COL4A2: variants seen among roughly 807,000 people sequenced by gnomAD.
COL4A2 encodes the protein collagen type IV alpha 2 chain.
Under a neutral mutation model 200.2 loss-of-function variants are expected in COL4A2, and 99 were observed. The observed-to-expected ratio is 0.49, with a 90% CI of 0.42 to 0.58. COL4A2 has a LOEUF of 0.58. Among genes scored for constraint, COL4A2 ranks in the 20% least tolerant of loss-of-function variants. The pLI is 0.00. For synonymous variants in COL4A2, 897 were observed against 900.6 expected (o/e 1.00, Z 0.07); for missense variants, 1,950 against 2,314.1 (o/e 0.84, Z 3.23).
At chr13:110,413,435 G>A (rs529179315) in intron 4 of COL4A2, among the ~76,000 whole-genome samples, 22 of 152,284 alleles carry the variant, frequency 1.4e-4, no homozygotes, top group Middle Eastern at 3.4e-3. Context: ...AAGAAGCCCC[G>A]GCCGCCTCCT....
chr13:110,388,478 A>G (rs1428121610), intron 4 of COL4A2, among the ~76,000 whole-genome samples: 3 of 152,234 alleles, frequency 2.0e-5, no homozygotes, highest in South Asian at 2.1e-4. Flanking sequence ...GTACTCTGTC[A>G]TGCTCCAAAC....
intron 4 of COL4A2, among the ~76,000 whole-genome samples, chr13:110,410,295 T>C (rs1879780777): frequency 6.6e-6 from 1 of 152,362 alleles, no homozygotes; most frequent in East Asian, 1.9e-4. Context: ...GGTTGTTCTC[T>C]AGGCGTTGTT....
intron 4 of COL4A2, among the ~76,000 whole-genome samples, chr13:110,401,893 A>G (rs1879384686): frequency 6.6e-6 from 1 of 152,204 alleles, no homozygotes; most frequent in African/African-American, 2.4e-5. Flanking sequence ...CGCAGCAGAA[A>G]GGACAGATGC....
At chr13:110,336,632 C>T (rs914278356) in intron 3 of COL4A2, among the ~76,000 whole-genome samples, 1 of 152,068 alleles carries the variant, frequency 6.6e-6, no homozygotes, top group African/African-American at 2.4e-5. Flanking sequence ...TTTTTATCTG[C>T]ATCAGGGGTT....
intron 3 of COL4A2, among the ~76,000 whole-genome samples, chr13:110,318,850 A>G (rs922429304): frequency 2.0e-5 from 3 of 152,052 alleles, no homozygotes; most frequent in African/African-American, 7.2e-5. Context: ...AGCCACAGAG[A>G]GTGAAGTTCA....
intron 11 of COL4A2, 107 bp from the exon 12 acceptor site, chr13:110,434,294 A>T: frequency 4.2e-6 from 4 of 952,230 alleles, no homozygotes; most frequent in Non-Finnish European, 6.5e-6. Context: ...GTTGCTCAGT[A>T]AAGTTGCCGA....
Position 110,484,886 on chromosome 13 carries a change from G to A in COL4A2, c.2903-19G>A, listed in dbSNP as rs377613359. 4.3e-5 allele frequency: 69 copies of A among 1,586,572 alleles called. No homozygotes were observed. The highest frequency in any genetic ancestry group is 5.9e-5 in the Non-Finnish European group (69 of 1,163,976). ...GGTCTGGAGCCCCCAGAAAATGACA[G>A]CACTCTATTCCCTTCCAGGCAGCCG... On this transcript the variant is annotated intron_variant, in intron 32 of 47. Coordinates refer to ENST00000360467, the MANE Select transcript of COL4A2 (RefSeq NM_001846.4).
At position 110,480,205 on chromosome 13, in the gene COL4A2, T is replaced by C; in HGVS notation, c.2588-15T>C. 1 of 1,578,946 alleles carries C rather than the reference T, an allele frequency of 6.3e-7. No individual in the cohort carries two copies. Among genetic ancestry groups the C allele is most frequent in the Non-Finnish European group, 8.6e-7 (1 of 1,166,080 alleles). On this transcript the variant is annotated splice_polypyrimidine_tract_variant and intron_variant, in intron 30 of 47. Coordinates refer to ENST00000360467, the MANE Select transcript of COL4A2 (RefSeq NM_001846.4). ...TGTTTGTCCACCCTGTTTGATTTGCTCCTCTTCCTGACAGGTCTGCCTGGT... is the reference window on the plus strand; with the variant it reads ...TGTTTGTCCACCCTGTTTGATTTGCCCCTCTTCCTGACAGGTCTGCCTGGT...
intron 16 of COL4A2, among the ~76,000 whole-genome samples, chr13:110,442,087 CAAA>C (rs10530153): frequency 1.7e-4 from 8 of 47,638 alleles, no homozygotes; most frequent in South Asian, 1.3e-3. Context: ...CTCTCTGTCT[CAAA>C]AAAAAAAAAA....
intron 3 of COL4A2, among the ~76,000 whole-genome samples, chr13:110,316,474 G>A (rs530137046): frequency 1.3e-5 from 2 of 152,144 alleles, no homozygotes; most frequent in Non-Finnish European, 2.9e-5. Context: ...CCTCCTTCCC[G>A]CTCTGTCCTC....
intron 3 of COL4A2, among the ~76,000 whole-genome samples, chr13:110,348,657 T>C (rs1594161745): frequency 4.1e-4 from 1 of 2,466 alleles, no homozygotes; most frequent in Admixed American, 0.025. Context: ...ATTGTATAGA[T>C]TTTTTTTTTT....
intron 4 of COL4A2, among the ~76,000 whole-genome samples, chr13:110,359,440 T>C (rs6492263): frequency 0.99 from 151,352 of 152,316 alleles, 75,206 homozygotes; most frequent in East Asian, 1. Flanking sequence ...TGGACTCATG[T>C]ATCTACCCTA....
In COL4A2 at chr13:110,504,188, A is replaced by G; in HGVS notation, c.4326A>G (p.Arg1442=). The change falls in exon 45 of 48, where the codon AGA becomes AGG. Residue 1442 remains arginine (R), a synonymous_variant. Transcript: ENST00000360467. ...GAPGKAGPQG[R]GGVSAVPGFR... is the part of the protein sequence containing the mutation. ...CAGGGAAAGCTGGGCCCCAAGGAAGAGGTGGTGTGTCTGCTGTTCCCGGCT... is the reference window on the plus strand; with the variant it reads ...CAGGGAAAGCTGGGCCCCAAGGAAGGGGTGGTGTGTCTGCTGTTCCCGGCT... The G allele has an allele frequency of 6.2e-7, 1 of 1,614,122 alleles. No individual in the cohort carries two copies. The highest frequency in any genetic ancestry group is 8.5e-7 in the Non-Finnish European group (1 of 1,180,018).
Position 110,321,181 on chromosome 13 carries a change from TG to T in COL4A2, c.99+13059del, listed in dbSNP as rs1196978726. 2.1e-3 allele frequency among the ~76,000 whole-genome samples: 39 copies of T among 18,966 alleles called. 1 individual carries two copies. Among genetic ancestry groups the T allele is most frequent in the East Asian group, 0.018 (38 of 2,084 alleles). 12.4% of individuals were successfully genotyped at this position (18,966 alleles called of 152,430 possible). On this transcript the variant is annotated intron_variant, in intron 3 of 47. Transcript: ENST00000360467. ...TGTGCGTATTTATATAGTGTGCATG[TG>T]TGTGTGTGTGTGTATGTGTCTGTGT...
At chr13:110,492,018 C>A in intron 37 of COL4A2, 52 bp from the exon 38 acceptor site, 1 of 1,491,834 alleles carries the variant, frequency 6.7e-7, no homozygotes, top group Non-Finnish European at 9.0e-7. Flanking sequence ...CCTCACCACA[C>A]AGCGCCCAAG....
At chr13:110,491,483 C>G in intron 37 of COL4A2, 143 bp downstream of exon 37, 1 of 664,194 alleles carries the variant, frequency 1.5e-6, no homozygotes, top group Non-Finnish European at 2.7e-6. Flanking sequence ...TAGGAGCTTT[C>G]CTCAGTGCTG....
At chr13:110,348,318 A>G (rs966517487) in intron 3 of COL4A2, among the ~76,000 whole-genome samples, 1 of 152,188 alleles carries the variant, frequency 6.6e-6, no homozygotes, top group Admixed American at 6.5e-5. Context: ...TTTATTTAGG[A>G]TGCCCTTGAA....
At chr13:110,392,866 A>C (rs1879038890) in intron 4 of COL4A2, among the ~76,000 whole-genome samples, 1 of 152,272 alleles carries the variant, frequency 6.6e-6, no homozygotes, top group Admixed American at 6.5e-5. Context: ...AGTAAAGTTA[A>C]GAAATAATTG....
intron 24 of COL4A2, among the ~76,000 whole-genome samples, chr13:110,463,718 T>C (rs1882124392): frequency 6.6e-6 from 1 of 152,164 alleles, no homozygotes; most frequent in Admixed American, 6.5e-5. Context: ...AAATTTTCTG[T>C]AGAGATGAGA....
Sources: allele counts gnomAD v4.1 joint callset (sites outside exome capture counted in the v4.1 genomes callset), GRCh38; gene constraint gnomAD v4.1.1; transcripts MANE v1.5; gene names NCBI Gene and HGNC (gene_info 2026-07-23, HGNC 2026-07-21).